RARB: variants seen among roughly 807,000 people sequenced by gnomAD.
RARB encodes the protein HBV-activated protein.
Under a neutral mutation model 51.9 loss-of-function variants are expected in RARB, and 17 were observed. The observed-to-expected ratio is 0.33, with a 90% confidence interval of 0.22 to 0.49. The LOEUF is 0.49. RARB is among the 20% of genes least tolerant of loss of function. RARB has a pLI of 0.99. For missense variants in RARB, 369 were observed against 550.8 expected (o/e 0.67, Z 3.30); for synonymous variants, 215 against 195.4 (o/e 1.10, Z -0.84).
At chr3:25,430,702 G>A (rs1708170008) in intron 1 of RARB, among the ~76,000 whole-genome samples, 1 of 152,156 alleles carries the variant, frequency 6.6e-6, no homozygotes, top group Non-Finnish European at 1.5e-5. Context: ...GTTGATAACA[G>A]CAAAGTTTAG....
intron 5 of RARB, among the ~76,000 whole-genome samples, chr3:25,264,445 G>C (rs571693812): frequency 6.6e-6 from 1 of 152,086 alleles, no homozygotes; most frequent in Admixed American, 6.6e-5. Flanking sequence ...AGTGAATTTG[G>C]TCTTTCTCTG....
At chr3:25,356,065 G>A (rs1025625033) in intron 5 of RARB, among the ~76,000 whole-genome samples, 15 of 152,082 alleles carry the variant, frequency 9.9e-5, no homozygotes, top group African/African-American at 3.1e-4. Context: ...AGTAAAGATC[G>A]CTGATTACAA....
At chr3:25,477,769 A>G (rs1373449100) in intron 2 of RARB, among the ~76,000 whole-genome samples, 1 of 152,192 alleles carries the variant, frequency 6.6e-6, no homozygotes, top group African/African-American at 2.4e-5. Flanking sequence ...ATAACAAACC[A>G]TCGCAAATCT....
At chr3:24,881,531 ATTT>A (rs1703166896) in intron 2 of RARB, among the ~76,000 whole-genome samples, 1 of 152,224 alleles carries the variant, frequency 6.6e-6, no homozygotes, top group African/African-American at 2.4e-5. Flanking sequence ...ATATTACGAC[ATTT>A]CAAATCTCTT....
chr3:25,201,911 T>C (rs1203149159), intron 5 of RARB, among the ~76,000 whole-genome samples: 1 of 136,650 alleles, frequency 7.3e-6, no homozygotes, highest in African/African-American at 2.8e-5. Context: ...TTGTGTTTCT[T>C]TCTGCCAGGC....
intron 2 of RARB, among the ~76,000 whole-genome samples, chr3:24,980,307 A>G (rs1696619589): frequency 6.6e-6 from 1 of 151,978 alleles, no homozygotes; most frequent in African/African-American, 2.4e-5. Context: ...CTGAATTTGA[A>G]TGTTGTCCTG....
At chr3:25,215,481 A>G (rs1701810905) in intron 5 of RARB, among the ~76,000 whole-genome samples, 1 of 152,106 alleles carries the variant, frequency 6.6e-6, no homozygotes, top group Non-Finnish European at 1.5e-5. Context: ...GAATATGGAC[A>G]AGAGAGAGAG....
At chr3:25,081,858 C>G (rs1004127443) in intron 3 of RARB, among the ~76,000 whole-genome samples, 1 of 151,338 alleles carries the variant, frequency 6.6e-6, no homozygotes, top group African/African-American at 2.4e-5. Flanking sequence ...GTCTCGAACT[C>G]CTGACCTCAG....
At chr3:25,388,904 G>T (rs1706869989) in intron 5 of RARB, among the ~76,000 whole-genome samples, 3 of 152,140 alleles carry the variant, frequency 2.0e-5, no homozygotes, top group Admixed American at 1.3e-4. Flanking sequence ...CTTCAAAGTT[G>T]TAAGAGGAGA....
intron 2 of RARB, among the ~76,000 whole-genome samples, chr3:25,045,007 G>T (rs1156872685): frequency 2.0e-5 from 3 of 152,134 alleles, no homozygotes; most frequent in Admixed American, 2.0e-4. Flanking sequence ...CTACTTGGAG[G>T]AATGGACTAT....
At chr3:25,331,073 A>G (rs1461891897) in intron 5 of RARB, among the ~76,000 whole-genome samples, 1 of 152,134 alleles carries the variant, frequency 6.6e-6, no homozygotes, top group Non-Finnish European at 1.5e-5. Context: ...CACAACAATA[A>G]TGGGAGACTT....
intron 5 of RARB, among the ~76,000 whole-genome samples, chr3:25,329,668 T>C (rs964558790): frequency 4.6e-5 from 7 of 152,226 alleles, no homozygotes; most frequent in African/African-American, 1.7e-4. Context: ...ATGACTTTGA[T>C]GAGTTGAGAG....
At chr3:25,480,237 G>T (rs1014504882) in intron 2 of RARB, among the ~76,000 whole-genome samples, 1 of 152,212 alleles carries the variant, frequency 6.6e-6, no homozygotes, top group Non-Finnish European at 1.5e-5. Flanking sequence ...ATTTTGAGAA[G>T]TAGACAGTGT....
chr3:25,113,581 A>G (rs1048929444), intron 3 of RARB, among the ~76,000 whole-genome samples: 8 of 152,198 alleles, frequency 5.3e-5, no homozygotes, highest in Admixed American at 2.0e-4. Flanking sequence ...TGAGCTGTCA[A>G]TTATCCAATG....
At chr3:25,407,748 T>C (rs75185060) in intron 5 of RARB, among the ~76,000 whole-genome samples, 2,901 of 118,446 alleles carry the variant, frequency 0.024, 92 homozygotes, top group African/African-American at 0.087. Flanking sequence ...TTCAGTTCTC[T>C]GCATGAAGGC....
chr3:25,154,897 G>T (rs559440605), intron 4 of RARB, among the ~76,000 whole-genome samples: 2 of 152,314 alleles, frequency 1.3e-5, no homozygotes, highest in East Asian at 3.9e-4. Flanking sequence ...CCAGTAGGCT[G>T]TGAGCTACTT....
rs368034358 is a variant in RARB, at chr3:24,898,196, G to A, written c.-380+39444G>A. ...ACTGCTGTGACTGATGCTTCATCAC[G>A]TGATTAGGGCATTGCTTTCTCTCAT... On this transcript the variant is annotated intron_variant, in intron 2 of 11. Transcript: ENST00000383772. 5.8e-4 allele frequency among the ~76,000 whole-genome samples: 89 copies of A among 152,196 alleles called. No individual in the cohort carries two copies. In the South Asian group the frequency reaches 0.015, roughly 26 times the overall value.
At chr3:25,124,578 G>T (rs949903939) in intron 3 of RARB, among the ~76,000 whole-genome samples, 1 of 152,130 alleles carries the variant, frequency 6.6e-6, no homozygotes, top group African/African-American at 2.4e-5. Context: ...GACTGTTACA[G>T]AATTCTTTTC....
chr3:24,970,495 C>G (rs890745666), intron 2 of RARB, among the ~76,000 whole-genome samples: 1 of 151,624 alleles, frequency 6.6e-6, no homozygotes, highest in African/African-American at 2.4e-5. Flanking sequence ...GTGCAGTTAA[C>G]TGGACTTTTA....
Sources: allele counts gnomAD v4.1 joint callset (sites outside exome capture counted in the v4.1 genomes callset), GRCh38; gene constraint gnomAD v4.1.1; transcripts MANE v1.5; gene names NCBI Gene and HGNC (gene_info 2026-07-23, HGNC 2026-07-21).